Variants in TANC1 observed in about 807,000 individuals in gnomAD.
TANC1 encodes the protein protein TANC1.
In TANC1, 77 loss-of-function variants were observed where a neutral mutation model predicts 149.7. That is an observed-to-expected ratio of 0.51 (90% CI 0.43 to 0.62). The LOEUF is 0.62. Among genes scored for constraint, TANC1 ranks in the 20% least tolerant of loss-of-function variants. TANC1 has a pLI of 0.00. For missense variants in TANC1, 1,985 were observed against 2,321.8 expected (o/e 0.85, Z 2.98); for synonymous variants, 854 against 925.0 (o/e 0.92, Z 1.39).
At chr2:159,083,451 A>G (rs558066359) in intron 3 of TANC1, among the ~76,000 whole-genome samples, 50 of 152,256 alleles carry the variant, frequency 3.3e-4, no homozygotes, top group Non-Finnish European at 6.3e-4. Flanking sequence ...AACTTGGAAT[A>G]CAAATATACA....
At position 159,097,731 on chromosome 2, in the gene TANC1, T is replaced by C; in HGVS notation, c.156T>C (p.Tyr52=). The part of the protein sequence containing the change: ...VSSLPTAEDT[Y]RVSLAKGVSM... ...GTCTTCCCACAGCAGAGGACACCTA[T>C]AGGGTGAGCTTGGCCAAAGGTGTCT... The change falls in exon 4 of 27, where the codon TAT becomes TAC. Residue 52 remains tyrosine (Y), a synonymous_variant. Transcript: ENST00000263635. The C allele has an allele frequency of 1.2e-6, 2 of 1,614,114 alleles. No homozygotes were observed. Among genetic ancestry groups the C allele is most frequent in the Non-Finnish European group, 1.7e-6 (2 of 1,180,002 alleles).
intron 19 of TANC1, among the ~76,000 whole-genome samples, chr2:159,209,649 G>A (rs1476591809): frequency 6.6e-6 from 1 of 152,102 alleles, no homozygotes; most frequent in East Asian, 1.9e-4. Context: ...AAGGCAGGGT[G>A]GGCAGTCATT....
chr2:159,028,367 C>G (rs1444411135), intron 2 of TANC1, among the ~76,000 whole-genome samples: 1 of 152,110 alleles, frequency 6.6e-6, no homozygotes. Flanking sequence ...GTGATTTGCC[C>G]GCCTTGGCCT....
intron 9 of TANC1, 75 bp downstream of exon 9, chr2:159,169,447 A>C: frequency 6.9e-7 from 1 of 1,448,830 alleles, no homozygotes; most frequent in Non-Finnish European, 9.6e-7. Flanking sequence ...TGTGATAACC[A>C]GCATTGAAGC....
In TANC1 at chr2:159,229,581, A is replaced by G; in HGVS notation, c.4155A>G (p.Gln1385=). 6.2e-7 allele frequency: 1 copy of G among 1,611,442 alleles called. No homozygotes were observed. The highest frequency in any genetic ancestry group is 8.5e-7 in the Non-Finnish European group (1 of 1,178,888). ...ARARAKRNSR[Q]FVAALADLQE... is the part of the protein sequence containing the mutation. ...TACCTTACATTTTCCTACAAAGGCA[A>G]TTCGTGGCAGCTCTGGCTGACCTGC... The change falls in exon 27 of 27, where the codon CAA becomes CAG. Residue 1385 remains glutamine, a synonymous_variant. Transcript: ENST00000263635.
chr2:159,149,353 G>A (rs769012047), intron 6 of TANC1, 81 bp downstream of exon 6: 30 of 1,577,872 alleles, frequency 1.9e-5, no homozygotes, highest in Non-Finnish European at 2.5e-5. Flanking sequence ...CTTTCCTTGA[G>A]CAGGGAAGCC....
intron 1 of TANC1, among the ~76,000 whole-genome samples, chr2:158,969,350 T>C (rs1412386278): frequency 6.6e-6 from 1 of 152,234 alleles, no homozygotes; most frequent in Non-Finnish European, 1.5e-5. Context: ...CAGTCTGGGC[T>C]GAAAGTCTAT....
At chr2:159,057,630 C>A (rs1433025546) in intron 2 of TANC1, among the ~76,000 whole-genome samples, 3 of 152,094 alleles carry the variant, frequency 2.0e-5, no homozygotes, top group Admixed American at 6.6e-5. Context: ...TACAATAATT[C>A]CCTTTGAAAA....
intron 3 of TANC1, among the ~76,000 whole-genome samples, chr2:159,069,812 A>T (rs2042990310): frequency 7.4e-6 from 1 of 134,486 alleles, no homozygotes; most frequent in Non-Finnish European, 1.5e-5. Flanking sequence ...TGAGTCACCC[A>T]GGCTGGAGTG....
intron 2 of TANC1, among the ~76,000 whole-genome samples, chr2:159,030,907 G>A (rs576520236): frequency 3.3e-5 from 5 of 152,286 alleles, no homozygotes; most frequent in African/African-American, 7.2e-5. Context: ...CCAGGTGTCA[G>A]GAGGAAGGGG....
chr2:159,190,065 C>T (rs1236502007), intron 16 of TANC1, among the ~76,000 whole-genome samples: 1 of 152,188 alleles, frequency 6.6e-6, no homozygotes, highest in Non-Finnish European at 1.5e-5. Context: ...AGGGATTCAT[C>T]ATGGTACTCC....
chr2:159,081,377 G>A (rs1218531966), intron 3 of TANC1, among the ~76,000 whole-genome samples: 2 of 151,870 alleles, frequency 1.3e-5, no homozygotes, highest in Non-Finnish European at 2.9e-5. Flanking sequence ...TAGCCACTGG[G>A]ACCACCTGTT....
chr2:159,189,145 A>T (rs764631789), intron 16 of TANC1, among the ~76,000 whole-genome samples: 34 of 152,256 alleles, frequency 2.2e-4, no homozygotes, highest in Non-Finnish European at 3.8e-4. Context: ...TACTGGGAAC[A>T]TACTTGGCAT....
Position 159,228,683 on chromosome 2 carries a change from C to G in TANC1, c.4051-113C>G, listed in dbSNP as rs1007639511. On this transcript the variant is annotated intron_variant, in intron 25 of 26. Coordinates refer to ENST00000263635, the MANE Select transcript of TANC1 (RefSeq NM_033394.3). Reference sequence around the variant, plus strand: ...ATAGAAAACGGAACTTTCCCTTCCTCCCTCTCTGGCTGTGCCTCAGAGCGC... The same window carrying G: ...ATAGAAAACGGAACTTTCCCTTCCTGCCTCTCTGGCTGTGCCTCAGAGCGC... 6 of 713,378 alleles carry G rather than the reference C, an allele frequency of 8.4e-6. No individual in the cohort carries two copies. In the African/African-American group the frequency reaches 8.9e-5, roughly 11 times the overall value. 44.2% of individuals were successfully genotyped at this position (713,378 alleles called of 1,614,324 possible). A position where few individuals can be genotyped will look rare whatever the true frequency, so the allele number is the denominator to read the frequency against.
chr2:159,135,912 T>C (rs553953101), intron 4 of TANC1, among the ~76,000 whole-genome samples: 1 of 152,246 alleles, frequency 6.6e-6, no homozygotes, highest in South Asian at 2.1e-4. Flanking sequence ...GCAGCTTTTG[T>C]TTTTGTTAGG....
At chr2:159,229,049 G>C in intron 26 of TANC1, 153 bp downstream of exon 26, 1 of 617,796 alleles carries the variant, frequency 1.6e-6, no homozygotes, top group Non-Finnish European at 2.9e-6. Context: ...GCTTCCAAGA[G>C]GCATAGTAGT....
intron 11 of TANC1, among the ~76,000 whole-genome samples, chr2:159,174,331 T>C (rs1411651133): frequency 6.6e-6 from 1 of 152,126 alleles, no homozygotes; most frequent in Non-Finnish European, 1.5e-5. Flanking sequence ...AACTCCAACT[T>C]ATCTCTCCAC....
intron 7 of TANC1, among the ~76,000 whole-genome samples, chr2:159,160,868 C>T (rs1250305212): frequency 6.6e-6 from 1 of 152,184 alleles, no homozygotes; most frequent in Non-Finnish European, 1.5e-5. Flanking sequence ...TAAATGGTTA[C>T]CCCATCTGGG....
chr2:159,230,874 G>C lies in TANC1; in HGVS notation c.5448G>C (p.Glu1816Asp). ...SKCQIPVHSQ[E>D]NRITKTVSHL... Reference sequence around the variant, plus strand: ...GCCAAATTCCAGTCCACTCTCAAGAGAACAGGATAACTAAGACTGTTTCTC... The same window carrying C: ...GCCAAATTCCAGTCCACTCTCAAGACAACAGGATAACTAAGACTGTTTCTC... The change falls in exon 27 of 27, where the codon GAG becomes GAC. Residue 1816 changes from glutamate (E) to aspartate (D), a missense_variant. Physicochemically the swap from Glu to Asp is conservative, Grantham distance 45 (BLOSUM62 2). Transcript: ENST00000263635. The surrounding 1 kb of genome is among the most constrained non-coding windows in gnomAD (Gnocchi z 4.4). The C allele has an allele frequency of 6.2e-7, 1 of 1,614,178 alleles. No homozygotes were observed. Among genetic ancestry groups the C allele is most frequent in the Admixed American group, 1.7e-5 (1 of 60,018 alleles).
Sources: gnomAD v4.1 joint callset for allele counts (sites outside exome capture counted in the v4.1 genomes callset) on GRCh38, gnomAD v4.1.1 for gene constraint, Gnocchi (gnomAD v3.1) non-coding constraint, MANE v1.5 for transcripts, NCBI Gene and HGNC (gene_info 2026-07-23, HGNC 2026-07-21) for gene names.